CEP350: variants seen among roughly 807,000 people sequenced by gnomAD.
CEP350 encodes the protein centrosome-associated protein 350.
In CEP350, 126 loss-of-function variants were observed where a neutral mutation model predicts 331.8. The ratio of observed to expected loss-of-function variants is 0.38; its 90% CI spans 0.33 to 0.44. The LOEUF is 0.44. CEP350 is among the 20% of genes least tolerant of loss of function. The pLI, the probability that CEP350 is intolerant of heterozygous loss-of-function variation, is 1.00. For synonymous variants in CEP350, 1,200 were observed against 1,259.5 expected (o/e 0.95, Z 1.00); for missense variants, 3,406 against 3,634.6 (o/e 0.94, Z 1.62).
At chr1:180,024,946 A>G (rs1319605245) in intron 14 of CEP350, among the ~76,000 whole-genome samples, 2 of 149,172 alleles carry the variant, frequency 1.3e-5, no homozygotes, top group Admixed American at 1.3e-4. Context: ...TTTTTTTGAG[A>G]CGGAGTCTCA....
chr1:180,020,425 A>T lies in CEP350; in HGVS notation c.2651A>T (p.Asp884Val), dbSNP rs138033359. 49 of 1,613,934 alleles carry T rather than the reference A, an allele frequency of 3.0e-5. No individual in the cohort carries two copies. In the African/African-American group the frequency reaches 5.7e-4, roughly 19 times the overall value. Residue 884 changes from aspartate to valine, a missense_variant, in exon 12 of 38, where the codon GAT becomes GTT. Transcript: ENST00000367607. ...TKAVTPPVKD[D>V]NEDVFSARIQ... ...GCTGTAACTCCACCTGTGAAAGATG[A>T]TAATGAAGATGTTTTCTCTGCCAGA...
chr1:180,079,200 AAACTC>A (rs1659413807), intron 29 of CEP350, among the ~76,000 whole-genome samples: 1 of 149,448 alleles, frequency 6.7e-6, no homozygotes, highest in Non-Finnish European at 1.5e-5. Context: ...TAGCTGGTAA[AAACTC>A]AAGATAGAAA....
chr1:180,108,701 A>G (rs747799366), intron 37 of CEP350, among the ~76,000 whole-genome samples: 4 of 152,198 alleles, frequency 2.6e-5, no homozygotes, highest in Non-Finnish European at 5.9e-5. Context: ...ATTCCATGGT[A>G]GGTTGACAAG....
In CEP350 at chr1:180,041,769, C is replaced by T. The variant is rs1656773264; in HGVS notation, c.4329C>T (p.Arg1443=). ...KIAAQQSETA[R]LTTDAARQIC... ...CAGCTCAGCAGTCAGAAACTGCTCG[C>T]CTCACCACAGACGCAGCACGTCAAA... The change falls in exon 19 of 38, where the codon CGC becomes CGT. Residue 1443 remains arginine (R), a synonymous_variant. Transcript: ENST00000367607. 1.9e-6 allele frequency: 3 copies of T among 1,612,892 alleles called. No individual in the cohort carries two copies. The highest frequency in any genetic ancestry group is 2.5e-6 in the Non-Finnish European group (3 of 1,179,440).
intron 37 of CEP350, among the ~76,000 whole-genome samples, chr1:180,108,816 C>T (rs932770974): frequency 6.6e-6 from 1 of 152,192 alleles, no homozygotes; most frequent in African/African-American, 2.4e-5. Flanking sequence ...GGCTTAAGTA[C>T]AATGTAACTC....
At chr1:180,054,122 T>G (rs1384646260) in intron 24 of CEP350, among the ~76,000 whole-genome samples, 188 bp downstream of exon 24, 1 of 152,262 alleles carries the variant, frequency 6.6e-6, no homozygotes, top group Non-Finnish European at 1.5e-5. Context: ...AACATTTTCT[T>G]TGCATTCCCC....
At chr1:179,982,850 G>A (rs534164300) in intron 1 of CEP350, among the ~76,000 whole-genome samples, 170 of 152,290 alleles carry the variant, frequency 1.1e-3, no homozygotes, top group African/African-American at 3.8e-3. Context: ...GAGTCTTGTG[G>A]CGCGATCTTG....
chr1:179,968,627 T>G (rs1464221904), intron 1 of CEP350: 1 of 395,278 alleles, frequency 2.5e-6, no homozygotes, highest in Non-Finnish European at 4.9e-6. Context: ...GTGCATACAG[T>G]GTTGTTCTGG....
At chr1:180,096,790 G>A (rs555845441) in intron 36 of CEP350, among the ~76,000 whole-genome samples, 1 of 152,300 alleles carries the variant, frequency 6.6e-6, no homozygotes, top group South Asian at 2.1e-4. Context: ...CACATTGCTG[G>A]CAATCTGCTC....
intron 22 of CEP350, among the ~76,000 whole-genome samples, chr1:180,051,545 A>T (rs1317402019): frequency 6.6e-6 from 1 of 152,232 alleles, no homozygotes; most frequent in Non-Finnish European, 1.5e-5. Context: ...TATGTTCTGT[A>T]TGATGCTATG....
Position 179,996,960 on chromosome 1 carries a change from A to G in CEP350, c.803A>G (p.Gln268Arg). ...TCCTCTACTAGTACTTCTAATTCCC[A>G]AAGATTAGATATTCTAAAGCGGCGA... ...SPSSTSTSNS[Q>R]RLDILKRRQH... is the part of the protein sequence containing the mutation. The change falls in exon 6 of 38, where the codon CAA becomes CGA. Residue 268 changes from glutamine to arginine, a missense_variant. This residue lies in a region of CEP350 where 1,857 missense variants were observed against 1,909.2 expected (regional missense o/e 0.97). Transcript: ENST00000367607. 6.2e-7 allele frequency: 1 copy of G among 1,614,018 alleles called. No individual in the cohort carries two copies. Among genetic ancestry groups the G allele is most frequent in the Non-Finnish European group, 8.5e-7 (1 of 1,179,870 alleles).
At chr1:179,990,738 G>A in intron 4 of CEP350, 117 bp downstream of exon 4, 1 of 523,832 alleles carries the variant, frequency 1.9e-6, no homozygotes, top group Non-Finnish European at 3.3e-6. Flanking sequence ...TTTATCTTTT[G>A]TAGAGACGAA....
At chr1:180,025,964 G>GGGTGGAA (rs1362534279) in intron 14 of CEP350, among the ~76,000 whole-genome samples, 24 of 152,150 alleles carry the variant, frequency 1.6e-4, no homozygotes, top group African/African-American at 5.5e-4. Context: ...AGTCTTCAGG[G>GGGTGGAA]GGTGGAAGGA....
At position 180,014,007 on chromosome 1, in the gene CEP350, C is replaced by G; in HGVS notation, c.1554C>G (p.Ala518=). 2.5e-6 allele frequency: 4 copies of G among 1,613,590 alleles called. No homozygotes were observed. Residue 518 remains alanine, a synonymous_variant, in exon 10 of 38, where the codon GCC becomes GCG. Coordinates refer to ENST00000367607, the MANE Select transcript of CEP350 (RefSeq NM_014810.5). ...LPDNKQEENT[A]LNKDFLPIEI... The stretch of plus-strand genomic sequence containing the variant: ...ATAATAAGCAGGAGGAAAATACTGC[C>G]TTAAATAAGGACTTTTTACCTATTG...
In CEP350 at chr1:180,022,721, G is replaced by C. The variant is rs753419093; in HGVS notation, c.3259G>C (p.Gly1087Arg). 3 of 1,612,328 alleles carry C rather than the reference G, an allele frequency of 1.9e-6. No individual in the cohort carries two copies. Among genetic ancestry groups the C allele is most frequent in the South Asian group, 2.2e-5 (2 of 90,704 alleles). The change falls in exon 13 of 38, where the codon GGA (glycine) becomes CGA (arginine). Residue 1087 changes from glycine (G) to arginine (R), a missense_variant. Physicochemically the swap from Gly to Arg is moderately radical, Grantham distance 125. Transcript: ENST00000367607. The stretch of plus-strand genomic sequence containing the variant: ...AGGGTTTGAAGACAAGTTGGACAGA[G>C]GAACATCAACATCACGGCCTTTGAA... ...GKGFEDKLDR[G>R]TSTSRPLNAT... is the part of the protein sequence containing the mutation.
At chr1:180,039,331 AAG>A (rs1473404260) in intron 17 of CEP350, among the ~76,000 whole-genome samples, 1 of 151,758 alleles carries the variant, frequency 6.6e-6, no homozygotes, top group Non-Finnish European at 1.5e-5. Flanking sequence ...AGGGAACGGA[AAG>A]AAAGGAATCC....
intron 17 of CEP350, among the ~76,000 whole-genome samples, chr1:180,039,558 T>C (rs1403285402): frequency 6.6e-6 from 1 of 152,184 alleles, no homozygotes; most frequent in Non-Finnish European, 1.5e-5. Flanking sequence ...GGTGCCTTTA[T>C]CAATGATTAA....
At chr1:180,049,842 T>A (rs1310578279) in intron 22 of CEP350, among the ~76,000 whole-genome samples, 1 of 152,228 alleles carries the variant, frequency 6.6e-6, no homozygotes, top group African/African-American at 2.4e-5. Context: ...GCGCCTGGCC[T>A]ACTTACCCTC....
chr1:179,975,086 T>C (rs918543630), intron 1 of CEP350, among the ~76,000 whole-genome samples: 1 of 152,106 alleles, frequency 6.6e-6, no homozygotes, highest in African/African-American at 2.4e-5. Flanking sequence ...AGAGCCAGTT[T>C]GGGAAAGATT....
Sources: allele counts gnomAD v4.1 joint callset (sites outside exome capture counted in the v4.1 genomes callset), GRCh38; gene constraint gnomAD v4.1.1; regional missense constraint gnomAD v4.1.1; transcripts MANE v1.5; gene names NCBI Gene and HGNC (gene_info 2026-07-23, HGNC 2026-07-21).